Variants in TAF4 observed in about 807,000 individuals in gnomAD.
The protein encoded by TAF4 is transcription initiation factor TFIID subunit 4.
TAF4 carries 9 observed loss-of-function variants against 90.3 expected under a neutral mutation model. The ratio of observed to expected loss-of-function variants is 0.10; its 90% CI spans 0.06 to 0.17. The LOEUF (loss-of-function observed/expected upper bound fraction) is 0.17. TAF4 is among the 10% of genes least tolerant of loss of function. The pLI, the probability that TAF4 is intolerant of heterozygous loss-of-function variation, is 1.00. For missense variants in TAF4, 1,351 were observed against 1,370.7 expected (o/e 0.99, Z 0.23); for synonymous variants, 818 against 638.9 (o/e 1.28, Z -4.23).
chr20:61,983,201 G>A (rs2055561515), intron 14 of TAF4, among the ~76,000 whole-genome samples: 1 of 151,290 alleles, frequency 6.6e-6, no homozygotes, highest in African/African-American at 2.4e-5. Flanking sequence ...ACTGCAGCGT[G>A]AACAGTCCTG....
chr20:62,054,918 C>T (rs1262558674), intron 1 of TAF4, among the ~76,000 whole-genome samples: 1 of 152,110 alleles, frequency 6.6e-6, no homozygotes, highest in Non-Finnish European at 1.5e-5. Context: ...CGCCTGCCCA[C>T]CTCAATCTCA....
chr20:62,042,413 A>G (rs1430901061), intron 1 of TAF4, among the ~76,000 whole-genome samples: 1 of 152,258 alleles, frequency 6.6e-6, no homozygotes, highest in Non-Finnish European at 1.5e-5. Context: ...CTTCCTGGAC[A>G]CCGCACAAGG....
intron 2 of TAF4, among the ~76,000 whole-genome samples, chr20:62,013,430 C>G (rs1014987581): frequency 6.6e-6 from 1 of 152,252 alleles, no homozygotes; most frequent in African/African-American, 2.4e-5. Flanking sequence ...ATGGAAAGAG[C>G]AGATGGCAGA....
rs1296418794 is a variant in TAF4 at position 62,065,825 on chromosome 20, C to G, written c.-15G>C. 1.7e-6 allele frequency: 2 copies of G among 1,200,394 alleles called. No individual in the cohort carries two copies. Among genetic ancestry groups the G allele is most frequent in the East Asian group, 1.4e-4 (2 of 14,460 alleles). The allele number at this position is 1,200,394 out of a possible 1,614,324, so 74.4% of individuals were successfully genotyped here. On this transcript the variant is annotated 5_prime_UTR_variant, in exon 1 of 15. Transcript: ENST00000252996. ...CCCGCCGCCATCTTTTTTCCTCGGC[C>G]GCCGCCGCCGCCGCCGCTCGGGCCG... is the stretch of plus-strand genomic sequence containing the variant.
chr20:62,030,121 G>T (rs971049938), intron 1 of TAF4, among the ~76,000 whole-genome samples: 4 of 152,196 alleles, frequency 2.6e-5, no homozygotes, highest in Non-Finnish European at 5.9e-5. Context: ...CCCCGATAGG[G>T]GTGTGCGGCC....
intron 1 of TAF4, among the ~76,000 whole-genome samples, chr20:62,056,720 A>T (rs570747725): frequency 6.6e-6 from 1 of 152,196 alleles, no homozygotes; most frequent in Admixed American, 6.5e-5. Context: ...AGACACCCCG[A>T]AATTTTAGCA....
intron 8 of TAF4, 31 bp downstream of exon 8, chr20:62,003,700 T>C (rs983661984): frequency 5.2e-6 from 8 of 1,549,434 alleles, no homozygotes; most frequent in Admixed American, 2.0e-5. Context: ...GCCCTTGGTG[T>C]TGAGCGGCCA....
At chr20:62,060,829 T>C (rs1214572874) in intron 1 of TAF4, among the ~76,000 whole-genome samples, 1 of 152,068 alleles carries the variant, frequency 6.6e-6, no homozygotes, top group Non-Finnish European at 1.5e-5. Flanking sequence ...ACTTCCCCAT[T>C]GACAGAACCA....
At chr20:62,038,999 G>C (rs2145500714) in intron 1 of TAF4, among the ~76,000 whole-genome samples, 1 of 152,338 alleles carries the variant, frequency 6.6e-6, no homozygotes, top group Admixed American at 6.5e-5. Context: ...CTTGCAGTGA[G>C]CCAAGATCGT....
chr20:62,048,798 A>C (rs1198617918), intron 1 of TAF4, among the ~76,000 whole-genome samples: 1 of 113,384 alleles, frequency 8.8e-6, no homozygotes, highest in Non-Finnish European at 1.8e-5. Flanking sequence ...TGCCCACCTC[A>C]GTCACCAAGC....
intron 14 of TAF4, among the ~76,000 whole-genome samples, chr20:61,993,441 C>T (rs543575352): frequency 1.3e-5 from 2 of 152,322 alleles, no homozygotes; most frequent in African/African-American, 4.8e-5. Context: ...CCAGGCCAAA[C>T]GACCTGGTCC....
chr20:62,007,755 G>T, intron 5 of TAF4, 119 bp from the exon 6 acceptor site: 2 of 940,406 alleles, frequency 2.1e-6, no homozygotes, highest in Non-Finnish European at 3.2e-6. Context: ...TCACTGGACA[G>T]AGGAGATGGG....
Position 62,012,822 on chromosome 20 carries a change from C to G in TAF4, c.1634G>C (p.Gly545Ala). Residue 545 changes from glycine (G) to alanine (A), a missense_variant, in exon 3 of 15, where the codon GGC becomes GCC. Coordinates refer to ENST00000252996, the MANE Select transcript of TAF4 (RefSeq NM_003185.4). ...QPSATLQRSP[G>A]VQPQLVLGGA... ...CGCCGCCTGCCCTCTCACCTGGACGCCGGGCGAGCGCTGCAGGGTTGCACT... is the reference window on the plus strand; with the variant it reads ...CGCCGCCTGCCCTCTCACCTGGACGGCGGGCGAGCGCTGCAGGGTTGCACT... 1 of 1,611,872 alleles carries G rather than the reference C, an allele frequency of 6.2e-7. No homozygotes were observed. Among genetic ancestry groups the G allele is most frequent in the East Asian group, 2.2e-5 (1 of 44,798 alleles).
intron 14 of TAF4, among the ~76,000 whole-genome samples, chr20:61,989,187 C>G (rs1322248943): frequency 1.3e-5 from 2 of 152,100 alleles, no homozygotes; most frequent in Non-Finnish European, 2.9e-5. Flanking sequence ...CACTCCCCTA[C>G]ATGCATTTGG....
At chr20:62,036,418 T>G (rs1600854700) in intron 1 of TAF4, among the ~76,000 whole-genome samples, 2 of 152,324 alleles carry the variant, frequency 1.3e-5, no homozygotes, top group South Asian at 4.1e-4. Context: ...CAACACCCAG[T>G]GCTATCAAGG....
At chr20:62,013,649 A>G (rs550033416) in intron 2 of TAF4, among the ~76,000 whole-genome samples, 2 of 152,392 alleles carry the variant, frequency 1.3e-5, no homozygotes, top group South Asian at 4.1e-4. Context: ...TAGCAGGAGA[A>G]GGATGCTGAT....
Position 62,003,209 on chromosome 20 carries a change from C to G in TAF4, c.2437G>C (p.Ala813Pro). 6.2e-7 allele frequency: 1 copy of G among 1,614,216 alleles called. No homozygotes were observed. The highest frequency in any genetic ancestry group is 1.1e-5 in the South Asian group (1 of 91,090). Residue 813 changes from alanine to proline, a missense_variant, in exon 9 of 15, where the codon GCT becomes CCT. This residue lies in a region of TAF4 where 202 missense variants were observed against 229.7 expected (regional missense o/e 0.88). Transcript: ENST00000252996. ...KALSAVSAQAAAAQKNKLKEP... is the reference protein window; with the variant it reads ...KALSAVSAQAPAAQKNKLKEP... ...TTGAGTTTATTTTTCTGTGCAGCAGCTGCTTGTGCCGAGACAGCAGAAAGG... is the reference window on the plus strand; with the variant it reads ...TTGAGTTTATTTTTCTGTGCAGCAGGTGCTTGTGCCGAGACAGCAGAAAGG...
rs550762169 is a variant in TAF4, at chr20:61,983,384, G to T, written c.3091-7049C>A. ...AATATTTAAAATTCAGGCCAGGTAC[G>T]GCAACTCACACCTGTAATCTCAATG... On this transcript the variant is annotated intron_variant, in intron 14 of 14. Coordinates refer to ENST00000252996, the MANE Select transcript of TAF4 (RefSeq NM_003185.4). 4.6e-5 allele frequency among the ~76,000 whole-genome samples: 7 copies of T among 152,196 alleles called. No homozygotes were observed. In the East Asian group the frequency reaches 1.2e-3, roughly 25 times the overall value.
At chr20:62,021,790 T>C (rs1051327844) in intron 1 of TAF4, among the ~76,000 whole-genome samples, 23 of 148,042 alleles carry the variant, frequency 1.6e-4, no homozygotes, top group African/African-American at 5.4e-4. Context: ...AGTTCTATAC[T>C]TTTTTTTTTG....
Sources: gnomAD v4.1 joint callset for allele counts (sites outside exome capture counted in the v4.1 genomes callset) on GRCh38, gnomAD v4.1.1 for gene constraint, gnomAD v4.1.1 regional missense constraint, MANE v1.5 for transcripts, NCBI Gene and HGNC (gene_info 2026-07-23, HGNC 2026-07-21) for gene names.